The following ZMYM5 variants were observed in gnomAD, a reference collection of about 807,000 sequenced individuals.
ZMYM5 encodes the protein zinc finger MYM-type containing 5, also known as zinc finger MYM-type protein 5.
ZMYM5 carries 41 observed loss-of-function variants against 61.8 expected under a neutral mutation model. That is an observed-to-expected ratio of 0.66 (90% CI 0.52 to 0.86). The LOEUF (loss-of-function observed/expected upper bound fraction) is 0.86. Ranked by LOEUF, ZMYM5 falls within the 40% of genes least tolerant of loss-of-function variation. ZMYM5 has a pLI of 0.00. For missense variants in ZMYM5, 706 were observed against 786.7 expected, an observed-to-expected ratio of 0.90 and a Z score of 1.23; for synonymous variants, 257 against 276.4, an observed-to-expected ratio of 0.93 and a Z score of 0.70.
intron 1 of ZMYM5, among the ~76,000 whole-genome samples, chr13:19,863,249 C>T (rs1953846176): frequency 6.6e-6 from 1 of 151,682 alleles, no homozygotes; most frequent in African/African-American, 2.4e-5. Flanking sequence ...GCGACCGCCT[C>T]ACCCAACCCT....
intron 4 of ZMYM5, chr13:19,841,685 C>A (rs1203796846): frequency 6.6e-6 from 1 of 150,498 alleles, no homozygotes; most frequent in Non-Finnish European, 1.5e-5. Context: ...TAGGTATTTT[C>A]TCTCATGAGC....
chr13:19,861,321 G>A (rs969573317), intron 2 of ZMYM5, among the ~76,000 whole-genome samples: 3 of 151,976 alleles, frequency 2.0e-5, no homozygotes, highest in Non-Finnish European at 4.4e-5. Flanking sequence ...GCTAATTTTT[G>A]TATTTTTTGT....
chr13:19,851,328 G>A (rs1228912036), intron 4 of ZMYM5, 27 bp downstream of exon 4: 12 of 1,570,864 alleles, frequency 7.6e-6, no homozygotes, highest in Non-Finnish European at 9.6e-6. Context: ...TTTACTTGAG[G>A]TAGAAACAGT....
intron 1 of ZMYM5, among the ~76,000 whole-genome samples, chr13:19,863,189 A>C (rs7323616): frequency 0.92 from 135,866 of 148,422 alleles, 63,399 homozygotes; most frequent in Non-Finnish European, 1. Context: ...GCGGCCGGCA[A>C]CCCGCCCCGC....
Position 19,861,635 on chromosome 13 carries a change from CTGTT to C in ZMYM5, c.-11+760_-11+763del, listed in dbSNP as rs745658706. On this transcript the variant is annotated intron_variant, in intron 2 of 7. Transcript: ENST00000337963. ...TTTGTTTTTGATGAGCAATGGAAAA[CTGTT>C]TGATCAGGGTTGAAAGGACAAAATT... Among the ~76,000 whole-genome samples, 5 of 152,184 alleles carry C rather than the reference CTGTT, an allele frequency of 3.3e-5. No individual in the cohort carries two copies. In the East Asian group the frequency reaches 5.8e-4, roughly 18 times the overall value.
At chr13:19,850,355 T>C (rs995512104) in intron 4 of ZMYM5, among the ~76,000 whole-genome samples, 1 of 152,064 alleles carries the variant, frequency 6.6e-6, no homozygotes, top group African/African-American at 2.4e-5. Flanking sequence ...ATCCCAGCAC[T>C]TGGGGAGGCT....
At chr13:19,854,087 GCA>G (rs1953418737) in intron 2 of ZMYM5, among the ~76,000 whole-genome samples, 1 of 152,114 alleles carries the variant, frequency 6.6e-6, no homozygotes, top group Non-Finnish European at 1.5e-5. Flanking sequence ...TCGGCTCACT[GCA>G]ACCTCCGCCT....
At chr13:19,847,747 C>A (rs1953129812) in intron 4 of ZMYM5, among the ~76,000 whole-genome samples, 1 of 147,690 alleles carries the variant, frequency 6.8e-6, no homozygotes, top group Non-Finnish European at 1.5e-5. Flanking sequence ...GGTCATTCTC[C>A]TGCCTCAGCC....
At chr13:19,856,313 G>A (rs1953508017) in intron 2 of ZMYM5, among the ~76,000 whole-genome samples, 1 of 152,108 alleles carries the variant, frequency 6.6e-6, no homozygotes, top group African/African-American at 2.4e-5. Flanking sequence ...CAAATCCCTG[G>A]CATATGGCCT....
intron 7 of ZMYM5, among the ~76,000 whole-genome samples, chr13:19,830,839 C>CTTTTTT (rs1160103759): frequency 3.1e-5 from 4 of 129,588 alleles, no homozygotes; most frequent in Non-Finnish European, 4.9e-5. Context: ...GTTACTTTTT[C>CTTTTTT]TTTTTTTTTT....
chr13:19,853,697 G>T (rs959562126), intron 2 of ZMYM5, among the ~76,000 whole-genome samples: 1 of 151,344 alleles, frequency 6.6e-6, no homozygotes, highest in Non-Finnish European at 1.5e-5. Context: ...CACCTCCCAG[G>T]CTCAAGTGAT....
At position 19,852,050 on chromosome 13, in the gene ZMYM5, C is replaced by G. The variant is rs769568983; in HGVS notation, c.131G>C (p.Ser44Thr). ...SFGHPACPLV[S>T]RSRNSPVEDD... ...TTCCACTGGTGAGTTCCTAGATCTA[C>G]TGACTAAAGGACAAGCTGGATGACC... The change falls in exon 3 of 8, where the codon AGT (serine) becomes ACT (threonine). Residue 44 changes from serine (S) to threonine (T), a missense_variant. Around this residue, in one of 2 missense-constraint regions of ZMYM5, gnomAD observed 480 missense variants for 461.7 expected, o/e 1.04. Transcript: ENST00000337963. 1.2e-6 allele frequency: 2 copies of G among 1,613,814 alleles called. No individual in the cohort carries two copies. The highest frequency in any genetic ancestry group is 1.7e-6 in the Non-Finnish European group (2 of 1,180,016).
chr13:19,846,333 C>G (rs199682362), intron 4 of ZMYM5, among the ~76,000 whole-genome samples: 1 of 151,948 alleles, frequency 6.6e-6, no homozygotes, highest in Non-Finnish European at 1.5e-5. Context: ...ATAAGCTGAA[C>G]TAGCCATTTT....
Position 19,825,110 on chromosome 13 carries a change from G to A in ZMYM5, c.1377C>T (p.Ile459=), listed in dbSNP as rs978221255. Residue 459 remains isoleucine, a synonymous_variant, in exon 8 of 8, where the codon ATC becomes ATT. Coordinates refer to ENST00000337963, the MANE Select transcript of ZMYM5 (RefSeq NM_001142684.2). Reference sequence around the variant, plus strand: ...GTGAAGTCTTTTCCTTTTTTTCTGGGATTCCCTCTATTTTTTTCAAAAGTG... The same window carrying A: ...GTGAAGTCTTTTCCTTTTTTTCTGGAATTCCCTCTATTTTTTTCAAAAGTG... ...SNTLLKKIEG[I]PEKKEKTSQL... The A allele has an allele frequency of 1.5e-6, 2 of 1,365,660 alleles. No individual in the cohort carries two copies. Among genetic ancestry groups the A allele is most frequent in the African/African-American group, 1.5e-5 (1 of 67,658 alleles). The allele number at this position is 1,365,660 out of a possible 1,614,324, so 84.6% of individuals were successfully genotyped here.
chr13:19,827,189 T>C (rs984317815), intron 7 of ZMYM5, among the ~76,000 whole-genome samples: 1 of 152,122 alleles, frequency 6.6e-6, no homozygotes, highest in Admixed American at 6.6e-5. Context: ...TACATCTCAA[T>C]AAAGTGTTTA....
At chr13:19,836,905 G>A (rs573869966) in intron 6 of ZMYM5, among the ~76,000 whole-genome samples, 32 of 152,120 alleles carry the variant, frequency 2.1e-4, no homozygotes, top group Non-Finnish European at 1.2e-4. Context: ...TAAGCAAACA[G>A]CATACATTCA....
chr13:19,844,699 G>A (rs1953012644), intron 4 of ZMYM5, among the ~76,000 whole-genome samples: 1 of 152,170 alleles, frequency 6.6e-6, no homozygotes, highest in South Asian at 2.1e-4. Flanking sequence ...TCGGCTCACT[G>A]CAATCTCTGC....
rs554445440 is a variant in ZMYM5, at chr13:19,859,786, A to C, written c.-11+2613T>G. Among the ~76,000 whole-genome samples, 5 of 151,986 alleles carry C rather than the reference A, an allele frequency of 3.3e-5. No individual in the cohort carries two copies. In the South Asian group the frequency reaches 6.2e-4, roughly 19 times the overall value. On this transcript the variant is annotated intron_variant, in intron 2 of 7. Transcript: ENST00000337963. The stretch of plus-strand genomic sequence containing the variant: ...GTAACACCTACTATGTACCCACAAA[A>C]ATTTTAAATAAAAATTTTTAAAAAA...
intron 1 of ZMYM5, among the ~76,000 whole-genome samples, chr13:19,863,154 G>C (rs1334561776): frequency 1.3e-5 from 2 of 150,978 alleles, no homozygotes; most frequent in East Asian, 3.9e-4. Context: ...AGGAGAGAAA[G>C]AAAAATGCCC....
Sources: allele counts gnomAD v4.1 joint callset (sites outside exome capture counted in the v4.1 genomes callset), GRCh38; gene constraint gnomAD v4.1.1; regional missense constraint gnomAD v4.1.1; transcripts MANE v1.5; gene names NCBI Gene and HGNC (gene_info 2026-07-23, HGNC 2026-07-21).